Variants in CFAP251 observed in about 807,000 individuals in gnomAD.
CFAP251 encodes cilia and flagella associated protein 251.
In CFAP251, 93 loss-of-function variants were observed where a neutral mutation model predicts 126.7. That is an observed-to-expected ratio of 0.73 (90% CI 0.62 to 0.87). The LOEUF (loss-of-function observed/expected upper bound fraction) is 0.87, where lower values mean the gene tolerates loss of function less well. CFAP251 is among the 40% of genes least tolerant of loss of function. CFAP251 has a pLI of 0.00. For missense variants in CFAP251, 1,287 were observed against 1,389.2 expected (o/e 0.93, Z 1.17); for synonymous variants, 503 against 506.9 (o/e 0.99, Z 0.10).
chr12:121,966,387 A>G, intron 15 of CFAP251, among the ~76,000 whole-genome samples: 1 of 140,040 alleles, frequency 7.1e-6, no homozygotes, highest in Admixed American at 7.4e-5. Flanking sequence ...CAGCCTCCTG[A>G]GTAGCTGGGA....
intron 3 of CFAP251, among the ~76,000 whole-genome samples, chr12:121,924,264 C>G (rs1453162888): frequency 1.3e-5 from 2 of 151,870 alleles, no homozygotes; most frequent in East Asian, 3.9e-4. Context: ...CATGAGCCAC[C>G]ACGCCTGGCT....
At chr12:121,994,171 C>G (rs1475455656) in intron 19 of CFAP251, among the ~76,000 whole-genome samples, 1 of 70,712 alleles carries the variant, frequency 1.4e-5, no homozygotes, top group South Asian at 6.2e-4. Context: ...TCAGCCCCCC[C>G]GCCCGGCCAG....
intron 3 of CFAP251, among the ~76,000 whole-genome samples, chr12:121,925,192 C>G (rs371774690): frequency 1.2e-3 from 187 of 152,260 alleles, no homozygotes; most frequent in African/African-American, 4.3e-3. Context: ...CAGTGAAAAG[C>G]CCCAGGCAGT....
intron 10 of CFAP251, chr12:121,955,674 T>C (rs570509417): frequency 8.5e-4 from 130 of 152,304 alleles, no homozygotes; most frequent in African/African-American, 3.1e-3. Flanking sequence ...CCCATTTGCT[T>C]CCATTCGCCT....
intron 19 of CFAP251, among the ~76,000 whole-genome samples, chr12:121,978,447 G>A (rs571051925): frequency 6.6e-4 from 90 of 136,400 alleles, no homozygotes; most frequent in African/African-American, 2.3e-3. Flanking sequence ...CTTTTTAAAG[G>A]ATATATTTTA....
Position 121,923,648 on chromosome 12 carries a change from G to T in CFAP251, c.405G>T (p.Lys135Asn), listed in dbSNP as rs376134677. The T allele has an allele frequency of 6.2e-6, 10 of 1,611,560 alleles. No homozygotes were observed. The highest frequency in any genetic ancestry group is 8.5e-6 in the Non-Finnish European group (10 of 1,179,384). ...AAACCCAAAGAGGTAGCAAGTCAAA[G>T]CTTTCCTTACAATTGGAGGATGCAG... ...FPKTQRGSKS[K>N]LSLQLEDAET... The change falls in exon 3 of 22, where the codon AAG becomes AAT. Residue 135 changes from lysine to asparagine, a missense_variant. By Grantham distance (94) the Lys-to-Asn change is moderately conservative. Coordinates refer to ENST00000288912, the MANE Select transcript of CFAP251 (RefSeq NM_144668.6).
intron 19 of CFAP251, among the ~76,000 whole-genome samples, chr12:121,981,801 A>G (rs1327196801): frequency 6.6e-6 from 1 of 152,196 alleles, no homozygotes; most frequent in Non-Finnish European, 1.5e-5. Flanking sequence ...AGGGTCAGGC[A>G]GCTCTGGGTT....
At chr12:121,938,287 G>A (rs1017649804) in intron 5 of CFAP251, among the ~76,000 whole-genome samples, 1 of 151,818 alleles carries the variant, frequency 6.6e-6, no homozygotes, top group Non-Finnish European at 1.5e-5. Context: ...GATTACAACT[G>A]TAAGCCACTG....
chr12:121,995,048 C>T (rs186379581), intron 19 of CFAP251, among the ~76,000 whole-genome samples: 1 of 152,214 alleles, frequency 6.6e-6, no homozygotes, highest in South Asian at 2.1e-4. Context: ...AAGCACTTTA[C>T]GTACATAGTC....
chr12:121,961,266 CCTCT>C (rs1335991670), intron 14 of CFAP251, among the ~76,000 whole-genome samples: 2 of 149,668 alleles, frequency 1.3e-5, no homozygotes, highest in African/African-American at 4.9e-5. Context: ...TTCTTCTCCC[CCTCT>C]CTCCCTCCCT....
intron 2 of CFAP251, 84 bp downstream of exon 2, chr12:121,921,767 A>G: frequency 7.2e-7 from 1 of 1,386,288 alleles, no homozygotes; most frequent in Non-Finnish European, 9.8e-7. Flanking sequence ...TGGGAACACA[A>G]AACCAAATAA....
chr12:121,994,151 G>T (rs1264080876), intron 19 of CFAP251, among the ~76,000 whole-genome samples: 2 of 87,062 alleles, frequency 2.3e-5, no homozygotes, highest in African/African-American at 5.0e-5. Flanking sequence ...CGGGAGGGAG[G>T]TGGGGGGGGT....
intron 5 of CFAP251, among the ~76,000 whole-genome samples, chr12:121,941,869 C>T (rs1448362544): frequency 1.3e-5 from 2 of 152,126 alleles, no homozygotes; most frequent in Middle Eastern, 3.2e-3. Flanking sequence ...AGCCAAACTG[C>T]TTCTAGAAAA....
Position 121,989,749 on chromosome 12 carries a change from G to A in CFAP251, c.3007-9967G>A, listed in dbSNP as rs955285517. 3.0e-4 allele frequency among the ~76,000 whole-genome samples: 46 copies of A among 152,186 alleles called. No homozygotes were observed. The highest frequency in any genetic ancestry group is 9.4e-4 in the African/African-American group (39 of 41,512). The stretch of plus-strand genomic sequence containing the variant: ...GAGGGTGAGTGCTCCCAGTCCTACT[G>A]GTCCATGAAACCATTAGAAAAGCAA... On this transcript the variant is annotated intron_variant, in intron 19 of 21. Coordinates refer to ENST00000288912, the MANE Select transcript of CFAP251 (RefSeq NM_144668.6). The surrounding 1 kb of genome is among the most constrained non-coding windows in gnomAD (Gnocchi z 4.2).
At chr12:121,925,876 G>A (rs1330121114) in intron 3 of CFAP251, among the ~76,000 whole-genome samples, 4 of 151,958 alleles carry the variant, frequency 2.6e-5, no homozygotes, top group African/African-American at 9.7e-5. Flanking sequence ...GTGGAGTCTT[G>A]CTCTGTCACC....
rs189151750 is a variant in CFAP251 at position 121,969,106 on chromosome 12, C to T, written c.2771+937C>T. On this transcript the variant is annotated intron_variant, in intron 17 of 21. Transcript: ENST00000288912. ...TTGAGGAGCAAAAACAGCTCAGAGGCACCTTCCTTCCTCGGAAAACAAACC... is the reference window on the plus strand; with the variant it reads ...TTGAGGAGCAAAAACAGCTCAGAGGTACCTTCCTTCCTCGGAAAACAAACC... The T allele has an allele frequency of 2.1e-3, 2,068 of 985,408 alleles. 4 individuals are homozygous for T. The highest frequency in any genetic ancestry group is 2.4e-3 in the Non-Finnish European group (2,006 of 829,922). The allele number at this position is 985,408 out of a possible 1,614,324, so 61.0% of individuals were successfully genotyped here.
intron 19 of CFAP251, chr12:121,998,386 T>C (rs549438740): frequency 1.1e-4 from 15 of 135,998 alleles, no homozygotes; most frequent in Non-Finnish European, 1.6e-4. Flanking sequence ...TCTTATACCC[T>C]GCAACCTTGC....
At chr12:121,968,422 G>A (rs773852910) in intron 17 of CFAP251, among the ~76,000 whole-genome samples, 15 of 152,150 alleles carry the variant, frequency 9.9e-5, no homozygotes, top group Non-Finnish European at 1.6e-4. Context: ...TCCCTAAAAT[G>A]CTTCTCCCTC....
Position 121,928,674 on chromosome 12 carries a change from A to ATATACG in CFAP251, c.748-3068_748-3067insCGTATA, listed in dbSNP as rs1565902710. Among the ~76,000 whole-genome samples, 17 of 17,790 alleles carry ATATACG rather than the reference A, an allele frequency of 9.6e-4. No individual in the cohort carries two copies. The African/African-American group carries it at 9.7e-3, about 10-fold the overall frequency. 11.7% of individuals were successfully genotyped at this position (17,790 alleles called of 152,430 possible). A position where few individuals can be genotyped will look rare whatever the true frequency, so the allele number is the denominator to read the frequency against. ...TATATATACGTATATATATACGTAT[A>ATATACG]TATATATATATATACGTATATATAT... On this transcript the variant is annotated intron_variant, in intron 3 of 21. Coordinates refer to ENST00000288912, the MANE Select transcript of CFAP251 (RefSeq NM_144668.6).
Sources: allele counts gnomAD v4.1 joint callset (sites outside exome capture counted in the v4.1 genomes callset), GRCh38; gene constraint gnomAD v4.1.1; non-coding constraint Gnocchi (gnomAD v3.1); transcripts MANE v1.5; gene names NCBI Gene and HGNC (gene_info 2026-07-23, HGNC 2026-07-21).